Variants in UVRAG observed in about 807,000 individuals in gnomAD.
UVRAG encodes the protein UV radiation resistance associated.
Under a neutral mutation model 78.0 loss-of-function variants are expected in UVRAG, and 19 were observed. The observed-to-expected ratio is 0.24, with a 90% CI of 0.17 to 0.36. The LOEUF is 0.36. Among genes scored for constraint, UVRAG ranks in the 10% least tolerant of loss-of-function variants. UVRAG has a pLI of 1.00. For missense variants in UVRAG, 740 were observed against 853.8 expected (o/e 0.87, Z 1.66); for synonymous variants, 323 against 324.6 (o/e 1.00, Z 0.05).
At chr11:75,951,875 TAAAC>T (rs1375358700) in intron 6 of UVRAG, among the ~76,000 whole-genome samples, 1 of 152,214 alleles carries the variant, frequency 6.6e-6, no homozygotes, top group Non-Finnish European at 1.5e-5. Context: ...CAATTTCTAT[TAAAC>T]AAAAATCTTT....
intron 6 of UVRAG, among the ~76,000 whole-genome samples, chr11:75,941,666 C>A (rs1434928207): frequency 6.6e-6 from 1 of 152,008 alleles, no homozygotes; most frequent in Non-Finnish European, 1.5e-5. Context: ...ATCTGACATT[C>A]CCCCCTGCAA....
At chr11:75,848,746 G>T (rs1946087977) in intron 1 of UVRAG, among the ~76,000 whole-genome samples, 1 of 152,076 alleles carries the variant, frequency 6.6e-6, no homozygotes, top group Non-Finnish European at 1.5e-5. Flanking sequence ...ATATCTTTTA[G>T]GTATATGTAG....
chr11:75,869,285 G>A (rs1302354323), intron 3 of UVRAG, among the ~76,000 whole-genome samples: 1 of 152,170 alleles, frequency 6.6e-6, no homozygotes, highest in African/African-American at 2.4e-5. Flanking sequence ...GAAAGCATGT[G>A]GCATAATTTA....
chr11:75,890,545 GA>G (rs1050994548), intron 5 of UVRAG, among the ~76,000 whole-genome samples: 62 of 152,300 alleles, frequency 4.1e-4, no homozygotes, highest in African/African-American at 1.5e-3. Context: ...GACACTGGAG[GA>G]AAACCAGGTT....
At chr11:75,926,495 A>G (rs559444833) in intron 6 of UVRAG, among the ~76,000 whole-genome samples, 1 of 152,234 alleles carries the variant, frequency 6.6e-6, no homozygotes, top group Non-Finnish European at 1.5e-5. Context: ...TAAACAGTTT[A>G]TGGGGAGAAC....
At chr11:76,105,784 T>A (rs1951957686) in intron 13 of UVRAG, among the ~76,000 whole-genome samples, 1 of 152,060 alleles carries the variant, frequency 6.6e-6, no homozygotes, top group Admixed American at 6.6e-5. Flanking sequence ...AAAACTTCAT[T>A]GAGACACTAC....
Position 76,115,224 on chromosome 11 carries a change from T to C in UVRAG, c.1306-700T>C, listed in dbSNP as rs116866092. Among the ~76,000 whole-genome samples the C allele has an allele frequency of 8.5e-5, 13 of 152,260 alleles. No homozygotes were observed. In the East Asian group the frequency reaches 2.5e-3, roughly 29 times the overall value. ...CAGAAGGACACTTAATTTTAGAAAA[T>C]TGGCCTCTACCAGAAATAAATCAAA... is the stretch of plus-strand genomic sequence containing the variant. On this transcript the variant is annotated intron_variant, in intron 13 of 14. Transcript: ENST00000356136.
intron 1 of UVRAG, among the ~76,000 whole-genome samples, chr11:75,835,796 A>C (rs916249308): frequency 6.6e-6 from 1 of 152,150 alleles, no homozygotes; most frequent in African/African-American, 2.4e-5. Context: ...TCTGAAGGAT[A>C]AACATTCAAC....
intron 1 of UVRAG, among the ~76,000 whole-genome samples, chr11:75,851,418 CTT>C (rs1325848380): frequency 6.6e-6 from 1 of 152,106 alleles, no homozygotes; most frequent in Non-Finnish European, 1.5e-5. Context: ...TGGCTGTGGC[CTT>C]GTTTTCCTGC....
At chr11:75,973,011 A>G (rs1489321662) in intron 7 of UVRAG, among the ~76,000 whole-genome samples, 1 of 152,136 alleles carries the variant, frequency 6.6e-6, no homozygotes, top group Non-Finnish European at 1.5e-5. Flanking sequence ...CTTCTTTCCC[A>G]ACACGTGTAG....
chr11:76,122,578 T>C (rs1952304569), intron 14 of UVRAG, among the ~76,000 whole-genome samples: 1 of 152,232 alleles, frequency 6.6e-6, no homozygotes, highest in African/African-American at 2.4e-5. Context: ...GTAGTTACTG[T>C]CTATATCTTT....
At chr11:76,045,488 A>G (rs1163142788) in intron 12 of UVRAG, among the ~76,000 whole-genome samples, 3 of 152,238 alleles carry the variant, frequency 2.0e-5, no homozygotes, top group Non-Finnish European at 2.9e-5. Context: ...AAGAAAGAAT[A>G]TAGGGATAAA....
At chr11:76,064,122 G>T (rs919185981) in intron 12 of UVRAG, among the ~76,000 whole-genome samples, 9 of 152,154 alleles carry the variant, frequency 5.9e-5, no homozygotes, top group African/African-American at 2.2e-4. Flanking sequence ...AATTTTTTAG[G>T]AATGTTGAAG....
chr11:75,930,066 T>G (rs1948203213), intron 6 of UVRAG, among the ~76,000 whole-genome samples: 1 of 152,222 alleles, frequency 6.6e-6, no homozygotes, highest in Non-Finnish European at 1.5e-5. Flanking sequence ...CTTTTTTTGA[T>G]TGCCTGTCAT....
chr11:75,928,939 CAAAAAAAAAAAAAA>C (rs368913080), intron 6 of UVRAG, among the ~76,000 whole-genome samples: 2 of 67,494 alleles, frequency 3.0e-5, no homozygotes, highest in African/African-American at 7.8e-5. Context: ...GAGACTGTCT[CAAAAAAAAAAAAAA>C]AAAAAAAAAA....
At position 75,929,906 on chromosome 11, in the gene UVRAG, C is replaced by G. The variant is rs1020711405; in HGVS notation, c.593+17867C>G. On this transcript the variant is annotated intron_variant, in intron 6 of 14. Transcript: ENST00000356136. ...AATACATTCTTAGAGATGTAGATCA[C>G]ATTCCTCTGCTTTAGGAAGCATTGT... is the stretch of plus-strand genomic sequence containing the variant. 2.6e-5 allele frequency among the ~76,000 whole-genome samples: 4 copies of G among 152,178 alleles called. No homozygotes were observed. In the East Asian group the frequency reaches 7.7e-4, roughly 29 times the overall value.
intron 7 of UVRAG, among the ~76,000 whole-genome samples, chr11:75,969,533 T>C (rs1470540683): frequency 2.0e-5 from 3 of 152,210 alleles, no homozygotes; most frequent in African/African-American, 7.2e-5. Flanking sequence ...CTCATTCATC[T>C]AGAAGCATGC....
intron 6 of UVRAG, among the ~76,000 whole-genome samples, chr11:75,923,028 G>A (rs1484899681): frequency 3.2e-4 from 45 of 140,344 alleles, no homozygotes; most frequent in African/African-American, 1.1e-3. Flanking sequence ...ATATATGTTC[G>A]TTTTTCTTTT....
chr11:75,884,327 T>C (rs1266462342), intron 4 of UVRAG, among the ~76,000 whole-genome samples: 2 of 152,116 alleles, frequency 1.3e-5, no homozygotes, highest in Non-Finnish European at 2.9e-5. Context: ...AAGTTCTTTA[T>C]GTATTCTGGA....
Sources: allele counts gnomAD v4.1 joint callset (sites outside exome capture counted in the v4.1 genomes callset), GRCh38; gene constraint gnomAD v4.1.1; transcripts MANE v1.5; gene names NCBI Gene and HGNC (gene_info 2026-07-23, HGNC 2026-07-21).